The following TTN variants were observed in gnomAD, a reference collection of about 807,000 sequenced individuals.
TTN encodes the protein connectin.
TTN carries 1,525 observed loss-of-function variants against 3,223.0 expected under a neutral mutation model. That is an observed-to-expected ratio of 0.47 (90% CI 0.45 to 0.49). TTN has a LOEUF of 0.49. Among genes scored for constraint, TTN ranks in the 20% least tolerant of loss-of-function variants. The probability of loss-of-function intolerance (pLI) is 0.00; values close to 1 mark genes in which losing one functional copy is unlikely to be tolerated. For synonymous variants in TTN, 14,094 were observed against 15,161.0 expected, an observed-to-expected ratio of 0.93 and a Z score of 5.17; for missense variants, 40,786 against 43,424.0, an observed-to-expected ratio of 0.94 and a Z score of 5.40.
intron 242 of TTN, 23 bp downstream of exon 242, chr2:178,624,442 T>C (rs1398974237): frequency 6.2e-7 from 1 of 1,609,626 alleles, no homozygotes; most frequent in South Asian, 1.1e-5. Flanking sequence ...AAATGAAAAG[T>C]CCTTTGTAAG....
chr2:178,726,911 G>A, intron 69 of TTN, 179 bp downstream of exon 69: 2 of 524,248 alleles, frequency 3.8e-6, no homozygotes, highest in Non-Finnish European at 5.9e-6. Context: ...ATAATGACTA[G>A]TTACATGTAA....
Position 178,721,875 on chromosome 2 carries a change from G to T in TTN, c.22788C>A (p.Asp7596Glu). The T allele has an allele frequency of 6.2e-7, 1 of 1,612,478 alleles. No individual in the cohort carries two copies. Among genetic ancestry groups the T allele is most frequent in the East Asian group, 2.2e-5 (1 of 44,856 alleles). The change falls in exon 78 of 363, where the codon GAC (aspartate) becomes GAA (glutamate). Residue 7596 changes from aspartate to glutamate, a missense_variant. Transcript: ENST00000589042. ...TTACACTGAGCTGAGCTGAGCACAT[G>T]TCTTTGCCAACATCATTGGTTGCTT... ...TCQATNDVGK[D>E]MCSAQLSVKE...
At position 178,580,248 on chromosome 2, in the gene TTN, A is replaced by G; in HGVS notation, c.67058-19T>C. ...GGAGTATCTGGATAAATAGTAGGTA[A>G]ATAAGAAATGAATGTGTAAAAAATA... On this transcript the variant is annotated intron_variant, in intron 317 of 362. Coordinates refer to ENST00000589042, the MANE Select transcript of TTN (RefSeq NM_001267550.2). 6.2e-7 allele frequency: 1 copy of G among 1,608,646 alleles called. No individual in the cohort carries two copies. Among genetic ancestry groups the G allele is most frequent in the Non-Finnish European group, 8.5e-7 (1 of 1,178,430 alleles).
Position 178,704,217 on chromosome 2 carries a change from T to G in TTN, c.30153A>C (p.Arg10051=). The stretch of plus-strand genomic sequence containing the variant: ...AGGTGTACTGACCCTGGTCTTCTGC[T>G]CGAACATCTGCAATGGTCAATTTAT... ...KVHKLTIADV[R]AEDQGQYTCK... The change falls in exon 106 of 363, where the codon CGA becomes CGC. Residue 10051 remains arginine (R), a synonymous_variant. Coordinates refer to ENST00000589042, the MANE Select transcript of TTN (RefSeq NM_001267550.2). The G allele has an allele frequency of 6.2e-7, 1 of 1,614,036 alleles. No homozygotes were observed. Among genetic ancestry groups the G allele is most frequent in the Admixed American group, 1.7e-5 (1 of 60,024 alleles).
chr2:178,678,131 G>T lies in TTN; in HGVS notation c.33988C>A (p.Pro11330Thr). 6.2e-7 allele frequency: 1 copy of T among 1,610,142 alleles called. No homozygotes were observed. Among genetic ancestry groups the T allele is most frequent in the Non-Finnish European group, 8.5e-7 (1 of 1,178,716 alleles). Residue 11330 changes from proline to threonine, a missense_variant, in exon 145 of 363, where the codon CCC (proline) becomes ACC (threonine). Coordinates refer to ENST00000589042, the MANE Select transcript of TTN (RefSeq NM_001267550.2). ...PVPKKVEAPP[P>T]KVPKKREPVP... is the part of the protein sequence containing the mutation. ...CTGTTACAGATTAATGTACCTTTGGGTGGTGGTGCTTCCACTTTTTTCGGA... is the reference window on the plus strand; with the variant it reads ...CTGTTACAGATTAATGTACCTTTGGTTGGTGGTGCTTCCACTTTTTTCGGA...
rs753299607 is a variant in TTN at position 178,562,946 on chromosome 2, G to A, written c.83186C>T (p.Thr27729Ile). 6.2e-7 allele frequency: 1 copy of A among 1,613,652 alleles called. No homozygotes were observed. Among genetic ancestry groups the A allele is most frequent in the East Asian group, 2.2e-5 (1 of 44,790 alleles). ...GGTAACATTATCAATCACCAACATT[G>A]TAAATGAGCTGGTCACCTCTATCTG... is the stretch of plus-strand genomic sequence containing the variant. ...RAQIEVTSSF[T>I]MLVIDNVTRF... The change falls in exon 326 of 363, where the codon ACA (threonine) becomes ATA (isoleucine). Residue 27729 changes from threonine (T) to isoleucine (I), a missense_variant. Transcript: ENST00000589042.
rs779484675 is a variant in TTN, at chr2:178,531,577, C to T, written c.105038G>A (p.Arg35013His). ...GCCCTTGTAGTTGGTGCACACAGCACGGTAGGTTCCACTGTCATCAGTATG... is the reference window on the plus strand; with the variant it reads ...GCCCTTGTAGTTGGTGCACACAGCATGGTAGGTTCCACTGTCATCAGTATG... ...DCHTDDSGTY[R>H]AVCTNYKGEA... The change falls in exon 358 of 363, where the codon CGT becomes CAT. Residue 35013 changes from arginine (R) to histidine (H), a missense_variant. Physicochemically the swap from Arg to His is conservative, Grantham distance 29. Coordinates refer to ENST00000589042, the MANE Select transcript of TTN (RefSeq NM_001267550.2). 46 of 1,613,836 alleles carry T rather than the reference C, an allele frequency of 2.9e-5. No homozygotes were observed. Among genetic ancestry groups the T allele is most frequent in the South Asian group, 2.0e-4 (18 of 91,082 alleles).
At position 178,590,170 on chromosome 2, in the gene TTN, G is replaced by A. The variant is rs794729278; in HGVS notation, c.61555C>T (p.Arg20519Ter). The change falls in exon 304 of 363, where the codon CGA becomes TGA. Residue 20519 changes from arginine to a stop codon, truncating the protein, a stop_gained. Transcript: ENST00000589042. LOFTEE classifies it high-confidence loss of function. The stretch of plus-strand genomic sequence containing the variant: ...TGAATAAGGTCCACCCTCTTTTCTC[G>A]GACCAATACTTTGCCTTCCTTAGTC... ...TWTKEGKVLV[R>*]EKRVDLIQDL... The A allele has an allele frequency of 2.5e-6, 4 of 1,612,238 alleles. No individual in the cohort carries two copies. Among genetic ancestry groups the A allele is most frequent in the East Asian group, 2.2e-5 (1 of 44,760 alleles).
intron 157 of TTN, among the ~76,000 whole-genome samples, chr2:178,669,909 T>G (rs1213113375): frequency 6.6e-6 from 1 of 151,928 alleles, no homozygotes; most frequent in African/African-American, 2.4e-5. Context: ...TATTGCCATT[T>G]AGAGCACACT....
intron 194 of TTN, 26 bp downstream of exon 194, chr2:178,653,986 C>G: frequency 6.4e-7 from 1 of 1,555,438 alleles, no homozygotes; most frequent in Non-Finnish European, 8.7e-7. Context: ...ATTTCTTCTG[C>G]AGGATAAGGT....
At position 178,591,536 on chromosome 2, in the gene TTN, G is replaced by T. The variant is rs184989660; in HGVS notation, c.60221-32C>A. ...AGTAAACATGAAAAAATTAGATTTT[G>T]ATTTTCACCTATATGAATAATTTTA... On this transcript the variant is annotated intron_variant, in intron 303 of 362. Coordinates refer to ENST00000589042, the MANE Select transcript of TTN (RefSeq NM_001267550.2). The T allele has an allele frequency of 7.6e-6, 12 of 1,583,080 alleles. No homozygotes were observed. In the African/African-American group the frequency reaches 1.4e-4, roughly 18 times the overall value.
chr2:178,730,021 T>TCCCCCCCC, intron 62 of TTN, 72 bp downstream of exon 62: 1 of 1,558,122 alleles, frequency 6.4e-7, no homozygotes, highest in Non-Finnish European at 8.8e-7. Context: ...GTCTTAAGCG[T>TCCCCCCCC]CCCCCGCCCC....
Position 178,607,932 on chromosome 2 carries a change from A to G in TTN, c.52855T>C (p.Cys17619Arg), listed in dbSNP as rs2055315972. 1 of 1,612,896 alleles carries G rather than the reference A, an allele frequency of 6.2e-7. No homozygotes were observed. Among genetic ancestry groups the G allele is most frequent in the Non-Finnish European group, 8.5e-7 (1 of 1,179,308 alleles). Residue 17619 changes from cysteine to arginine, a missense_variant, in exon 276 of 363, where the codon TGC (cysteine) becomes CGC (arginine). Cys to Arg is a radical substitution (Grantham distance 180, BLOSUM62 -3). Transcript: ENST00000589042. The stretch of plus-strand genomic sequence containing the variant: ...CGGACCTTGATCATCTTCTCTGTGC[A>G]GCGTGACCATTCATTTGTGCCAACC... Reference protein sequence around the residue: ...QLVGTNEWSRCTEKMIKVRQY... With the variant: ...QLVGTNEWSRRTEKMIKVRQY...
chr2:178,573,675 C>T lies in TTN; in HGVS notation c.72457G>A (p.Ala24153Thr). 6.6e-7 allele frequency: 1 copy of T among 1,515,942 alleles called. No individual in the cohort carries two copies. The highest frequency in any genetic ancestry group is 1.4e-5 in the African/African-American group (1 of 71,810). 93.9% of individuals were successfully genotyped at this position (1,515,942 alleles called of 1,614,324 possible). A position where few individuals can be genotyped will look rare whatever the true frequency, so the allele number is the denominator to read the frequency against. The change falls in exon 326 of 363, where the codon GCC becomes ACC. Residue 24153 changes from alanine (A) to threonine (T), a missense_variant. Physicochemically the swap from Ala to Thr is moderately conservative, Grantham distance 58 (BLOSUM62 0). Coordinates refer to ENST00000589042, the MANE Select transcript of TTN (RefSeq NM_001267550.2). ...SWFPPLDDGG[A>T]KIDHYIVQKR... Reference sequence around the variant, plus strand: ...TGTACTATGTAATGATCAATTTTGGCACCTCCATCATCCAGTGGAGGGAAC... The same window carrying T: ...TGTACTATGTAATGATCAATTTTGGTACCTCCATCATCCAGTGGAGGGAAC...
Position 178,603,984 on chromosome 2 carries a change from G to A in TTN, c.54703C>T (p.Arg18235Cys), listed in dbSNP as rs758019427. 2.5e-6 allele frequency: 4 copies of A among 1,612,660 alleles called. No homozygotes were observed. Among genetic ancestry groups the A allele is most frequent in the African/African-American group, 1.3e-5 (1 of 74,920 alleles). Residue 18235 changes from arginine to cysteine, a missense_variant, in exon 282 of 363, where the codon CGT becomes TGT. By Grantham distance (180) the Arg-to-Cys change is radical. Transcript: ENST00000589042. ...GLKGVEFNVP[R>C]LLEGVKYQFR... ...TGGTATTTAACGCCTTCAAGCAAAC[G>A]AGGAACATTAAATTCCACGCCTTTC...
intron 11 of TTN, among the ~76,000 whole-genome samples, chr2:178,790,325 A>T (rs2093420167): frequency 6.6e-6 from 1 of 152,164 alleles, no homozygotes; most frequent in Non-Finnish European, 1.5e-5. Flanking sequence ...AAAAGAAAAA[A>T]ATGTGATTAG....
At position 178,713,140 on chromosome 2, in the gene TTN, A is replaced by G; in HGVS notation, c.26994T>C (p.Cys8998=). 1 of 1,613,828 alleles carries G rather than the reference A, an allele frequency of 6.2e-7. No homozygotes were observed. The change falls in exon 93 of 363, where the codon TGT becomes TGC. Residue 8998 remains cysteine, a synonymous_variant. Transcript: ENST00000589042. ...CAGAACCAGCCATATTAGTAGCTATACATGTGTAGTCACCACTGTCTGATT... is the reference window on the plus strand; with the variant it reads ...CAGAACCAGCCATATTAGTAGCTATGCATGTGTAGTCACCACTGTCTGATT... ...LEESDSGDYT[C]IATNMAGSDE... is the part of the protein sequence containing the mutation.
At chr2:178,708,229 C>A (rs1327936440) in intron 99 of TTN, among the ~76,000 whole-genome samples, 1 of 152,140 alleles carries the variant, frequency 6.6e-6, no homozygotes, top group Non-Finnish European at 1.5e-5. Context: ...ATGATTGCTA[C>A]CCTCTAGGAA....
In TTN at chr2:178,717,382, T is replaced by C; in HGVS notation, c.25352A>G (p.Glu8451Gly). The C allele has an allele frequency of 3.7e-6, 6 of 1,603,576 alleles. No homozygotes were observed. The highest frequency in any genetic ancestry group is 5.1e-6 in the Non-Finnish European group (6 of 1,173,066). ...ATCAAAGAAAGGAGGCACTTCATGC[T>C]CTGAAAAGAATGAAGACCAACATGG... ...ASSSAKLILS[E>G]HEVPPFFDLK... The change falls in exon 88 of 363, where the codon GAG becomes GGG. Residue 8451 changes from glutamate (E) to glycine (G), a missense_variant and splice_region_variant. By Grantham distance (98) the Glu-to-Gly change is moderately conservative (BLOSUM62 -2). Transcript: ENST00000589042.
Sources: gnomAD v4.1 joint callset for allele counts (sites outside exome capture counted in the v4.1 genomes callset) on GRCh38, gnomAD v4.1.1 for gene constraint, MANE v1.5 for transcripts, NCBI Gene and HGNC (gene_info 2026-07-23, HGNC 2026-07-21) for gene names.